Variants in ASTN2 observed in about 807,000 individuals in gnomAD.
The protein encoded by ASTN2 is astrotactin 2, also known as astrotactin-2.
Under a neutral mutation model 139.8 loss-of-function variants are expected in ASTN2, and 54 were observed. The ratio of observed to expected loss-of-function variants is 0.39; its 90% CI spans 0.31 to 0.48. The LOEUF (loss-of-function observed/expected upper bound fraction) is 0.48, where lower values mean the gene tolerates loss of function less well. Ranked by LOEUF, ASTN2 falls within the 20% of genes least tolerant of loss-of-function variation. The pLI is 0.95. For missense variants in ASTN2, 1,565 were observed against 1,725.1 expected (o/e 0.91, Z 1.64); for synonymous variants, 756 against 719.5 (o/e 1.05, Z -0.81).
chr9:116,649,591 C>A (rs913325351), intron 17 of ASTN2, among the ~76,000 whole-genome samples: 19 of 137,678 alleles, frequency 1.4e-4, no homozygotes, highest in African/African-American at 5.0e-4. Flanking sequence ...AAAAAAAAAT[C>A]TTTAGGACTT....
intron 2 of ASTN2, among the ~76,000 whole-genome samples, chr9:117,290,723 G>A (rs1024728480): frequency 4.6e-5 from 7 of 152,226 alleles, no homozygotes; most frequent in African/African-American, 1.4e-4. Flanking sequence ...GAACACTCAA[G>A]AGTAGTTCCA....
chr9:116,531,219 T>G (rs1263350924), intron 19 of ASTN2, among the ~76,000 whole-genome samples: 2 of 152,222 alleles, frequency 1.3e-5, no homozygotes, highest in Non-Finnish European at 2.9e-5. Flanking sequence ...TCTGGCCTAC[T>G]AGGCTATAAT....
At chr9:116,855,410 A>C (rs953359604) in intron 11 of ASTN2, among the ~76,000 whole-genome samples, 6 of 152,100 alleles carry the variant, frequency 3.9e-5, no homozygotes, top group Admixed American at 3.3e-4. Context: ...GTACAGTTCC[A>C]ATTCCCTTCT....
chr9:116,483,488 A>G (rs1052982229), intron 20 of ASTN2, among the ~76,000 whole-genome samples: 5 of 152,134 alleles, frequency 3.3e-5, no homozygotes, highest in Non-Finnish European at 7.4e-5. Flanking sequence ...AGAGGGAGAG[A>G]GGCCAAAATT....
chr9:116,517,713 G>T (rs1212365592), intron 19 of ASTN2, among the ~76,000 whole-genome samples: 1 of 152,126 alleles, frequency 6.6e-6, no homozygotes, highest in Non-Finnish European at 1.5e-5. Flanking sequence ...TAATCAAGGA[G>T]GCACCAGAGA....
At chr9:117,056,122 C>A (rs538146882) in intron 5 of ASTN2, among the ~76,000 whole-genome samples, 1 of 152,324 alleles carries the variant, frequency 6.6e-6, no homozygotes, top group South Asian at 2.1e-4. Flanking sequence ...GAGGTGATTG[C>A]AGCTCTGGTT....
chr9:116,726,641 T>G (rs982175255), intron 15 of ASTN2, among the ~76,000 whole-genome samples: 1 of 152,182 alleles, frequency 6.6e-6, no homozygotes, highest in Non-Finnish European at 1.5e-5. Context: ...GTTCCCTCTC[T>G]TTAACAGTGG....
chr9:116,531,017 C>G (rs1851318496), intron 19 of ASTN2, among the ~76,000 whole-genome samples: 1 of 152,084 alleles, frequency 6.6e-6, no homozygotes, highest in African/African-American at 2.4e-5. Flanking sequence ...AAATTAATCC[C>G]TGATGGAATT....
intron 1 of ASTN2, among the ~76,000 whole-genome samples, chr9:117,317,173 C>A (rs902236475): frequency 2.6e-5 from 4 of 152,122 alleles, no homozygotes; most frequent in Non-Finnish European, 5.9e-5. Flanking sequence ...CACAGAGAAT[C>A]CCATTTTCCT....
At chr9:116,961,030 A>AGGG (rs3038427) in intron 10 of ASTN2, among the ~76,000 whole-genome samples, 149,311 of 152,020 alleles carry the variant, frequency 0.98, 73,381 homozygotes, top group East Asian at 1. Flanking sequence ...AGGAGGAGAG[A>AGGG]AGAGGTGTAT....
At chr9:117,369,479 G>T (rs1358315495) in intron 1 of ASTN2, among the ~76,000 whole-genome samples, 1 of 151,998 alleles carries the variant, frequency 6.6e-6, no homozygotes, top group Admixed American at 6.6e-5. Flanking sequence ...GGCTCCTACA[G>T]GTCAAATAGC....
At chr9:116,601,766 G>T (rs1433011067) in intron 19 of ASTN2, among the ~76,000 whole-genome samples, 1 of 152,210 alleles carries the variant, frequency 6.6e-6, no homozygotes. Flanking sequence ...AATGTGTTGA[G>T]TTTGAATTGC....
In ASTN2 at chr9:117,039,876, A is replaced by G. The variant is rs1457007512; in HGVS notation, c.1366T>C (p.Ser456Pro). 1.2e-6 allele frequency: 2 copies of G among 1,613,728 alleles called. No homozygotes were observed. Among genetic ancestry groups the G allele is most frequent in the Non-Finnish European group, 8.5e-7 (1 of 1,179,880 alleles). Residue 456 changes from serine (S) to proline (P), a missense_variant, in exon 6 of 23, where the codon TCT becomes CCT. Around this residue, in one of 4 missense-constraint regions of ASTN2, gnomAD observed 503 missense variants for 591.7 expected, o/e 0.85. Transcript: ENST00000313400. ...GTCACCTTCACAGTGAGTGGACAAG[A>G]CATCTGGCTGCCACACACCATGGCC... is the stretch of plus-strand genomic sequence containing the variant. ...ILAMVCGSQM[S>P]CPLTVKVTLH... is the part of the protein sequence containing the mutation.
intron 10 of ASTN2, among the ~76,000 whole-genome samples, chr9:116,916,144 A>G (rs2132428070): frequency 6.6e-6 from 1 of 152,316 alleles, no homozygotes; most frequent in Admixed American, 6.5e-5. Flanking sequence ...GTCAAGATGC[A>G]GGTTTTCCTC....
At chr9:116,451,987 G>T (rs953963943) in intron 20 of ASTN2, among the ~76,000 whole-genome samples, 1 of 151,710 alleles carries the variant, frequency 6.6e-6, no homozygotes, top group Non-Finnish European at 1.5e-5. Flanking sequence ...CCCATCCCCC[G>T]TCTTTTCCTC....
intron 2 of ASTN2, among the ~76,000 whole-genome samples, chr9:117,220,015 C>T (rs1308352795): frequency 1.3e-5 from 2 of 152,168 alleles, no homozygotes; most frequent in African/African-American, 2.4e-5. Context: ...CTGCAATAGG[C>T]TCCCTTTAAA....
chr9:116,989,225 A>G (rs917941760), intron 7 of ASTN2, among the ~76,000 whole-genome samples: 4 of 152,206 alleles, frequency 2.6e-5, no homozygotes, highest in Non-Finnish European at 4.4e-5. Flanking sequence ...GATTTTCCAG[A>G]GTGCACTTTG....
At chr9:117,284,394 C>T (rs916116472) in intron 2 of ASTN2, among the ~76,000 whole-genome samples, 10 of 152,168 alleles carry the variant, frequency 6.6e-5, no homozygotes, top group South Asian at 2.1e-4. Context: ...CTTCAGCCAC[C>T]GCACCTGGCC....
At chr9:117,061,410 T>G (rs1390530020) in intron 5 of ASTN2, among the ~76,000 whole-genome samples, 1 of 44,882 alleles carries the variant, frequency 2.2e-5, no homozygotes, top group South Asian at 5.3e-4. Context: ...TTTCCTCCAT[T>G]TTTTTTAATG....
Sources: gnomAD v4.1 joint callset for allele counts (sites outside exome capture counted in the v4.1 genomes callset) on GRCh38, gnomAD v4.1.1 for gene constraint, gnomAD v4.1.1 regional missense constraint, MANE v1.5 for transcripts, NCBI Gene and HGNC (gene_info 2026-07-23, HGNC 2026-07-21) for gene names.